Variants in NFAT5 observed in about 807,000 individuals in gnomAD.
NFAT5 encodes nuclear factor of activated T-cells 5.
A neutral mutation model predicts 166.5 loss-of-function variants in NFAT5; 31 were observed. The ratio of observed to expected loss-of-function variants is 0.19; its 90% CI spans 0.14 to 0.25. The LOEUF is 0.25. NFAT5 is among the 10% of genes least tolerant of loss of function. The probability of loss-of-function intolerance (pLI) is 1.00; values close to 1 mark genes in which losing one functional copy is unlikely to be tolerated. For synonymous variants in NFAT5, 612 were observed against 639.7 expected, an observed-to-expected ratio of 0.96 and a Z score of 0.65; for missense variants, 1,449 against 1,821.8, an observed-to-expected ratio of 0.80 and a Z score of 3.72.
In NFAT5 at chr16:69,691,801, T is replaced by C; in HGVS notation, c.1976T>C (p.Ile659Thr). The C allele has an allele frequency of 6.2e-7, 1 of 1,614,164 alleles. No individual in the cohort carries two copies. The highest frequency in any genetic ancestry group is 8.5e-7 in the Non-Finnish European group (1 of 1,180,030). Residue 659 changes from isoleucine to threonine, a missense_variant, in exon 13 of 15, where the codon ATA becomes ACA. Physicochemically the swap from Ile to Thr is moderately conservative, Grantham distance 89 (BLOSUM62 -1). Coordinates refer to ENST00000349945, the MANE Select transcript of NFAT5 (RefSeq NM_138713.4). ...CAAACATTAGAAAACATCTCAAACA[T>C]AGCAGGAAATGGCTCTTTTTCATCA... ...TQQTLENISN[I>T]AGNGSFSSPS...
Position 69,691,398 on chromosome 16 carries a change from A to G in NFAT5, c.1923+310A>G, listed in dbSNP as rs545140423. Among the ~76,000 whole-genome samples the G allele has an allele frequency of 5.3e-5, 8 of 152,208 alleles. 1 individual carries two copies. The highest frequency in any genetic ancestry group is 5.2e-4 in the Admixed American group (8 of 15,286). ...TTTTTTTACTTGTCTTATCCCCTGT[A>G]ATGTTACTGAGGAGCCACAAAATTG... On this transcript the variant is annotated intron_variant, in intron 12 of 14. Transcript: ENST00000349945.
chr16:69,633,631 T>A (rs894837097), intron 3 of NFAT5, among the ~76,000 whole-genome samples: 1 of 152,054 alleles, frequency 6.6e-6, no homozygotes, highest in Non-Finnish European at 1.5e-5. Flanking sequence ...AAAATGTTGG[T>A]CTCATAGAAG....
intron 9 of NFAT5, among the ~76,000 whole-genome samples, chr16:69,671,939 G>T (rs754089052): frequency 9.2e-5 from 14 of 152,152 alleles, no homozygotes; most frequent in Non-Finnish European, 2.9e-5. Context: ...CTTCCACAAG[G>T]TTAGAATTGA....
At chr16:69,571,742 G>GTAT (rs1026953314) in intron 2 of NFAT5, among the ~76,000 whole-genome samples, 15 of 151,316 alleles carry the variant, frequency 9.9e-5, no homozygotes, top group Non-Finnish European at 1.9e-4. Context: ...CTGCACTTGG[G>GTAT]TATTATTATT....
intron 2 of NFAT5, among the ~76,000 whole-genome samples, chr16:69,622,677 G>T (rs1265479212): frequency 6.6e-6 from 1 of 152,098 alleles, no homozygotes; most frequent in Non-Finnish European, 1.5e-5. Flanking sequence ...AATAATTGGA[G>T]AAATGGAGAT....
At chr16:69,574,953 T>C (rs1268034297) in intron 2 of NFAT5, among the ~76,000 whole-genome samples, 1 of 152,180 alleles carries the variant, frequency 6.6e-6, no homozygotes, top group Non-Finnish European at 1.5e-5. Flanking sequence ...ATTACAGGCA[T>C]GAGCCACCGT....
chr16:69,691,445 T>G (rs1168477977), intron 12 of NFAT5, among the ~76,000 whole-genome samples: 1 of 152,220 alleles, frequency 6.6e-6, no homozygotes, highest in Non-Finnish European at 1.5e-5. Context: ...TACCTGCTCT[T>G]CATGAACCAT....
In NFAT5 at chr16:69,647,799, TATTATC is replaced by T. The variant is rs1288678051; in HGVS notation, c.812+215_812+220del. 1.3e-5 allele frequency among the ~76,000 whole-genome samples: 2 copies of T among 152,132 alleles called. No homozygotes were observed. The highest frequency in any genetic ancestry group is 1.9e-4 in the East Asian group (1 of 5,202). On this transcript the variant is annotated intron_variant, in intron 4 of 14. Transcript: ENST00000349945. The surrounding 1 kb of genome is among the most constrained non-coding windows in gnomAD (Gnocchi z 4.8). ...TCATAGATTCTAGCAATAGATATCT[TATTATC>T]AGTATAGTTAGGTAGTAGAAAATGA...
intron 2 of NFAT5, among the ~76,000 whole-genome samples, chr16:69,623,965 A>C (rs2034324625): frequency 6.8e-6 from 1 of 147,690 alleles, no homozygotes; most frequent in Non-Finnish European, 1.5e-5. Context: ...TGGCCAGGCT[A>C]GTCTCGAACT....
At chr16:69,567,420 G>A (rs1014149211) in intron 1 of NFAT5, among the ~76,000 whole-genome samples, 6 of 152,018 alleles carry the variant, frequency 3.9e-5, no homozygotes. Flanking sequence ...TTAAACCACC[G>A]GGAGGGGGCA....
Position 69,695,860 on chromosome 16 carries a change from T to G in NFAT5, c.*8+481T>G, listed in dbSNP as rs145290523. ...AAAGTCAGGCTCACAACATGCAGTT[T>G]ATTTGGTGTCCCCAAGGGTAAAAAA... On this transcript the variant is annotated intron_variant, in intron 14 of 14. Coordinates refer to ENST00000349945, the MANE Select transcript of NFAT5 (RefSeq NM_138713.4). Among the ~76,000 whole-genome samples the G allele has an allele frequency of 2.2e-3, 339 of 152,310 alleles. 2 individuals carry two copies. Among genetic ancestry groups the G allele is most frequent in the South Asian group, 5.8e-3 (28 of 4,820 alleles).
intron 2 of NFAT5, among the ~76,000 whole-genome samples, chr16:69,589,316 C>T (rs1034462209): frequency 4.6e-5 from 7 of 152,166 alleles, no homozygotes; most frequent in African/African-American, 1.4e-4. Flanking sequence ...TTTAGTAGCC[C>T]GTTGTTTGTC....
chr16:69,617,606 T>G (rs2034014094), intron 2 of NFAT5, among the ~76,000 whole-genome samples: 2 of 151,580 alleles, frequency 1.3e-5, no homozygotes, highest in Admixed American at 6.6e-5. Context: ...TCCTCCTACC[T>G]CAGCCTCCCG....
At position 69,698,262 on chromosome 16, in the gene NFAT5, A is replaced by G. The variant is rs1047829670; in HGVS notation, c.*1911A>G. 4 of 152,460 alleles carry G rather than the reference A, an allele frequency of 2.6e-5. No individual in the cohort carries two copies. The highest frequency in any genetic ancestry group is 3.4e-3 in the Middle Eastern group (1 of 294). The allele number at this position is 152,460 out of a possible 1,614,324, so 9.4% of individuals were successfully genotyped here. ...TTTTGAATACAGTTTTCAATCGTTC[A>G]AGTTTTGGATGGTTTATATCTAATG... On this transcript the variant is annotated 3_prime_UTR_variant, in exon 15 of 15. Coordinates refer to ENST00000349945, the MANE Select transcript of NFAT5 (RefSeq NM_138713.4).
intron 2 of NFAT5, among the ~76,000 whole-genome samples, chr16:69,620,294 G>A (rs1013885785): frequency 1.3e-5 from 2 of 151,962 alleles, no homozygotes; most frequent in African/African-American, 4.8e-5. Flanking sequence ...TTATTATATC[G>A]CACTTGCCCT....
At chr16:69,577,950 G>A (rs118095741) in intron 2 of NFAT5, among the ~76,000 whole-genome samples, 7,593 of 152,050 alleles carry the variant, frequency 0.05, 246 homozygotes, top group Middle Eastern at 0.11. Context: ...CAGAGATCGT[G>A]CCACTGCCCT....
chr16:69,608,772 G>A (rs543471964), intron 2 of NFAT5, among the ~76,000 whole-genome samples: 96 of 149,936 alleles, frequency 6.4e-4, no homozygotes, highest in Non-Finnish European at 1.2e-3. Flanking sequence ...CTGCCACCAC[G>A]CCCGGCTAAT....
chr16:69,653,457 T>C (rs2035756842), intron 5 of NFAT5, 29 bp downstream of exon 5: 2 of 1,351,352 alleles, frequency 1.5e-6, no homozygotes, highest in Non-Finnish European at 2.0e-6. Flanking sequence ...ATTTGAATTT[T>C]AGTTAAAATG....
At chr16:69,689,692 GTGCCACCATGCCCTGC>G (rs992704092) in intron 11 of NFAT5, among the ~76,000 whole-genome samples, 2 of 152,144 alleles carry the variant, frequency 1.3e-5, no homozygotes, top group African/African-American at 4.8e-5. Flanking sequence ...TTACAGGCAT[GTGCCACCATGCCCTGC>G]TAATTTTTGT....
Sources: allele counts gnomAD v4.1 joint callset (sites outside exome capture counted in the v4.1 genomes callset), GRCh38; gene constraint gnomAD v4.1.1; non-coding constraint Gnocchi (gnomAD v3.1); transcripts MANE v1.5; gene names NCBI Gene and HGNC (gene_info 2026-07-23, HGNC 2026-07-21).